The following EDNRB variants were observed in gnomAD, a reference collection of about 807,000 sequenced individuals.
EDNRB encodes the protein endothelin receptor type B.
A neutral mutation model predicts 46.4 loss-of-function variants in EDNRB; 18 were observed. That is an observed-to-expected ratio of 0.39 (90% CI 0.27 to 0.57). The LOEUF (loss-of-function observed/expected upper bound fraction) is 0.57. Ranked by LOEUF, EDNRB falls within the 20% of genes least tolerant of loss-of-function variation. EDNRB has a pLI of 0.61. For missense variants in EDNRB, 434 were observed against 537.5 expected (o/e 0.81, Z 1.90); for synonymous variants, 213 against 204.9 (o/e 1.04, Z -0.34).
At chr13:77,921,794 T>C (rs1283405479), upstream of EDNRB, among the ~76,000 whole-genome samples, 1 of 152,206 alleles carries the variant, frequency 6.6e-6, no homozygotes, top group Non-Finnish European at 1.5e-5. Context: ...AAGAAAAGGA[T>C]TAAAGTTACT....
chr13:77,936,287 A>C (rs916741479), intron 1 of EDNRB, among the ~76,000 whole-genome samples: 1 of 152,110 alleles, frequency 6.6e-6, no homozygotes, highest in Admixed American at 6.5e-5. Flanking sequence ...AATTTAATTA[A>C]AGTGTCTCGG....
chr13:77,972,768 G>T (rs1361595651), intron 1 of EDNRB, among the ~76,000 whole-genome samples: 1 of 152,194 alleles, frequency 6.6e-6, no homozygotes, highest in Non-Finnish European at 1.5e-5. Context: ...ATAGAATGAG[G>T]AAAGAAGAAA....
chr13:77,900,507 T>C lies in EDNRB; in HGVS notation c.1085+14A>G, dbSNP rs1359019413. 1.9e-6 allele frequency: 3 copies of C among 1,612,034 alleles called. No individual in the cohort carries two copies. Among genetic ancestry groups the C allele is most frequent in the Non-Finnish European group, 2.5e-6 (3 of 1,178,748 alleles). On this transcript the variant is annotated intron_variant, in intron 5 of 6. Coordinates refer to ENST00000646607, the MANE Select transcript of EDNRB (RefSeq NM_001122659.3). ...CATTTATTTACAAAACCATTTCTAG[T>C]TTGCCTTTCTTACCTCAAAAGTTCA...
rs1305282979 is a variant in EDNRB at position 77,903,373 on chromosome 13, A to G, written c.597-13T>C. 6.2e-7 allele frequency: 1 copy of G among 1,612,890 alleles called. No individual in the cohort carries two copies. Among genetic ancestry groups the G allele is most frequent in the South Asian group, 1.1e-5 (1 of 91,070 alleles). On this transcript the variant is annotated splice_polypyrimidine_tract_variant and intron_variant, in intron 2 of 6. Coordinates refer to ENST00000646607, the MANE Select transcript of EDNRB (RefSeq NM_001122659.3). ...AACAGCTCGATATCTGAAGATAAAA[A>G]TAGAATTGTATTTTAAGCTGGCATA...
intron 1 of EDNRB, among the ~76,000 whole-genome samples, chr13:77,972,021 T>A (rs552876085): frequency 6.6e-6 from 1 of 152,314 alleles, no homozygotes; most frequent in South Asian, 2.1e-4. Context: ...TCCCTTCAGG[T>A]CTCCAAGGGA....
chr13:77,927,899 CA>C (rs1880282176), intron 1 of EDNRB, among the ~76,000 whole-genome samples: 1 of 152,116 alleles, frequency 6.6e-6, no homozygotes, highest in African/African-American at 2.4e-5. Context: ...GAGTTTTTCC[CA>C]TGCTGTTCTC....
intron 1 of EDNRB, among the ~76,000 whole-genome samples, chr13:77,970,187 G>C (rs1393883110): frequency 6.6e-6 from 1 of 152,110 alleles, no homozygotes; most frequent in Non-Finnish European, 1.5e-5. Flanking sequence ...TATTCAGCTT[G>C]GGTATTTTCA....
At chr13:77,913,230 G>A (rs1447908765) in intron 1 of EDNRB, among the ~76,000 whole-genome samples, 5 of 152,056 alleles carry the variant, frequency 3.3e-5, no homozygotes, top group Admixed American at 6.6e-5. Flanking sequence ...AAGCAATTCC[G>A]CATTTTGACA....
intron 1 of EDNRB, among the ~76,000 whole-genome samples, chr13:77,956,229 A>G (rs1255321135): frequency 6.6e-6 from 1 of 152,018 alleles, no homozygotes; most frequent in Non-Finnish European, 1.5e-5. Flanking sequence ...TTCAGTGAAT[A>G]TGTTCACCCT....
At chr13:77,961,860 C>A (rs1463111531) in intron 1 of EDNRB, among the ~76,000 whole-genome samples, 2 of 151,888 alleles carry the variant, frequency 1.3e-5, no homozygotes, top group East Asian at 3.9e-4. Context: ...TTGAAAAGGT[C>A]AACAAAATTG....
intron 1 of EDNRB, among the ~76,000 whole-genome samples, chr13:77,967,972 T>C (rs1018203751): frequency 2.6e-5 from 4 of 152,162 alleles, no homozygotes; most frequent in Non-Finnish European, 4.4e-5. Flanking sequence ...AAATGCATTG[T>C]TCATATAAAT....
In EDNRB at chr13:77,897,593, A is replaced by T; in HGVS notation, c.*607T>A. 1 of 985,548 alleles carries T rather than the reference A, an allele frequency of 1.0e-6. No homozygotes were observed. The highest frequency in any genetic ancestry group is 1.2e-6 in the Non-Finnish European group (1 of 830,088). The allele number at this position is 985,548 out of a possible 1,614,324, so 61.1% of individuals were successfully genotyped here. The stretch of plus-strand genomic sequence containing the variant: ...GGTTTGGGCTTCTAGTGAAAGTGTA[A>T]TGATTTTCAAAAACAGCCTTGCTCT... On this transcript the variant is annotated 3_prime_UTR_variant, in exon 7 of 7. Transcript: ENST00000646607.
chr13:77,944,946 AG>A (rs1880860801), intron 1 of EDNRB: 1 of 152,194 alleles, frequency 6.6e-6, no homozygotes, highest in Non-Finnish European at 1.5e-5. Flanking sequence ...CCTGGGGTAA[AG>A]AAATGGAAGA....
upstream of EDNRB, chr13:77,919,690 A>G: frequency 7.1e-7 from 1 of 1,412,982 alleles, no homozygotes; most frequent in Middle Eastern, 2.2e-4. Context: ...CCCTTGGGCG[A>G]TGCCTGGACA....
At chr13:77,943,579 C>G (rs1880812720) in intron 1 of EDNRB, among the ~76,000 whole-genome samples, 1 of 152,078 alleles carries the variant, frequency 6.6e-6, no homozygotes, top group Non-Finnish European at 1.5e-5. Flanking sequence ...TCTAATCATT[C>G]AGCTAGGTAT....
At chr13:77,962,274 A>G (rs1286563439) in intron 1 of EDNRB, among the ~76,000 whole-genome samples, 1 of 152,174 alleles carries the variant, frequency 6.6e-6, no homozygotes, top group East Asian at 1.9e-4. Flanking sequence ...CCCCTAACTC[A>G]TTTTATAAGG....
intron 1 of EDNRB, among the ~76,000 whole-genome samples, chr13:77,959,154 A>G (rs1881325645): frequency 6.6e-6 from 1 of 152,226 alleles, no homozygotes; most frequent in Non-Finnish European, 1.5e-5. Context: ...GAACCTCTGC[A>G]GACTTAAATG....
chr13:77,952,251 T>C (rs1159200375), intron 1 of EDNRB, among the ~76,000 whole-genome samples: 4 of 152,192 alleles, frequency 2.6e-5, no homozygotes, highest in African/African-American at 7.2e-5. Flanking sequence ...ACAGTGCTTA[T>C]ATATGTGGGG....
chr13:77,925,957 C>T (rs570717828), intron 1 of EDNRB, among the ~76,000 whole-genome samples: 82 of 152,318 alleles, frequency 5.4e-4, no homozygotes, highest in African/African-American at 1.9e-3. Context: ...CTCAGCATGA[C>T]CCAGATGCGA....
Sources: gnomAD v4.1 joint callset for allele counts (sites outside exome capture counted in the v4.1 genomes callset) on GRCh38, gnomAD v4.1.1 for gene constraint, MANE v1.5 for transcripts, NCBI Gene and HGNC (gene_info 2026-07-23, HGNC 2026-07-21) for gene names.